The following SNED1 variants were observed in gnomAD, a reference collection of about 807,000 sequenced individuals.
SNED1 encodes sushi, nidogen and EGF like domains 1.
A neutral mutation model predicts 166.7 loss-of-function variants in SNED1; 81 were observed. The observed-to-expected ratio is 0.49, with a 90% CI of 0.41 to 0.58. The LOEUF is 0.58. Among genes scored for constraint, SNED1 ranks in the 20% least tolerant of loss-of-function variants. SNED1 has a pLI of 0.00. For synonymous variants in SNED1, 762 were observed against 822.0 expected (o/e 0.93, Z 1.25); for missense variants, 1,604 against 2,000.2 (o/e 0.80, Z 3.78).
intron 27 of SNED1, among the ~76,000 whole-genome samples, chr2:241,078,735 T>C (rs538270237): frequency 1.4e-4 from 22 of 152,020 alleles, no homozygotes; most frequent in Admixed American, 1.1e-3. Context: ...TGCCTGTATC[T>C]GTGAATATGC....
chr2:241,090,962 T>G (rs1415080286), intron 31 of SNED1, among the ~76,000 whole-genome samples: 1 of 152,156 alleles, frequency 6.6e-6, no homozygotes, highest in Non-Finnish European at 1.5e-5. Context: ...CGCGCGGTCC[T>G]TCATCGTGCA....
At position 241,092,510 on chromosome 2, in the gene SNED1, A is replaced by G. The variant is rs1489616375; in HGVS notation, c.*874A>G. 6.6e-6 allele frequency: 1 copy of G among 152,088 alleles called. No individual in the cohort carries two copies. The highest frequency in any genetic ancestry group is 2.4e-5 in the African/African-American group (1 of 41,350). 9.4% of individuals were successfully genotyped at this position (152,088 alleles called of 1,614,324 possible). A position where few individuals can be genotyped will look rare whatever the true frequency, so the allele number is the denominator to read the frequency against. ...GATCACCTAGGCTTCAGCCTTAAAC[A>G]GTGGAAGCCATCCCCTGAATGACAA... On this transcript the variant is annotated 3_prime_UTR_variant, in exon 32 of 32. Transcript: ENST00000310397. The surrounding 1 kb of genome is among the most constrained non-coding windows in gnomAD (Gnocchi z 4.6).
At position 241,040,190 on chromosome 2, in the gene SNED1, T is replaced by C. The variant is rs1254517443; in HGVS notation, c.1159+2T>C. The C allele has an allele frequency of 7.6e-6, 12 of 1,589,372 alleles. No individual in the cohort carries two copies. Among genetic ancestry groups the C allele is most frequent in the East Asian group, 2.3e-5 (1 of 43,664 alleles). ...ACACCGGAGCAGCCTGCGAGATGGG[T>C]GAGTGGCCTGGCTTCGGATTGGAGA... On this transcript the variant is annotated splice_donor_variant, in intron 7 of 31. Coordinates refer to ENST00000310397, the MANE Select transcript of SNED1 (RefSeq NM_001080437.3). LOFTEE classifies it high-confidence loss of function.
Position 241,074,482 on chromosome 2 carries a change from TCA to T in SNED1, c.3916+1119_3916+1120del, listed in dbSNP as rs2062922907. 2.6e-5 allele frequency: 4 copies of T among 152,298 alleles called. No individual in the cohort carries two copies. In the East Asian group the frequency reaches 7.7e-4, roughly 29 times the overall value. 9.4% of individuals were successfully genotyped at this position (152,298 alleles called of 1,614,324 possible). On this transcript the variant is annotated intron_variant, in intron 27 of 31. Transcript: ENST00000310397. ...ATTTCATCAGATGATTTGCATTATGTCAGCCCCTTTAAATACCAGGTGTTCAT... is the reference window on the plus strand; with the variant it reads ...ATTTCATCAGATGATTTGCATTATGTGCCCCTTTAAATACCAGGTGTTCAT...
In SNED1 at chr2:241,068,788, G is replaced by A. The variant is rs572032564; in HGVS notation, c.3195-123G>A. The A allele has an allele frequency of 5.2e-5, 35 of 671,330 alleles. 1 individual carries two copies. The South Asian group carries it at 6.3e-4, about 12-fold the overall frequency. 41.6% of individuals were successfully genotyped at this position (671,330 alleles called of 1,614,324 possible). ...TCTGCCCCTCGTGGAGGTTGCCTGG[G>A]CCACCAGCAGCAGGATGACCTCCCC... On this transcript the variant is annotated intron_variant, in intron 22 of 31. Coordinates refer to ENST00000310397, the MANE Select transcript of SNED1 (RefSeq NM_001080437.3). The surrounding 1 kb of genome is among the most constrained non-coding windows in gnomAD (Gnocchi z 5.3).
rs371957755 is a variant in SNED1, at chr2:241,047,308, C to G, written c.1274-1007C>G. Among the ~76,000 whole-genome samples the G allele has an allele frequency of 3.3e-5, 5 of 152,212 alleles. No homozygotes were observed. The South Asian group carries it at 6.2e-4, about 19-fold the overall frequency. ...TAGAGGGGTCAATTCATCCAGAAGA[C>G]ATAACTCTAGATATACTTGTACCTA... On this transcript the variant is annotated intron_variant, in intron 8 of 31. Coordinates refer to ENST00000310397, the MANE Select transcript of SNED1 (RefSeq NM_001080437.3).
Position 241,002,035 on chromosome 2 carries a change from G to A in SNED1, c.213+2985G>A, listed in dbSNP as rs114390745. ...AACATTACCATCCAGGCACAGTCCC[G>A]GCCCTACCCCTCCCAGAACACGGAG... is the stretch of plus-strand genomic sequence containing the variant. On this transcript the variant is annotated intron_variant, in intron 1 of 31. Transcript: ENST00000310397. Among the ~76,000 whole-genome samples, 451 of 152,240 alleles carry A rather than the reference G, an allele frequency of 3.0e-3. 3 individuals carry two copies. Among genetic ancestry groups the A allele is most frequent in the African/African-American group, 0.01 (432 of 41,538 alleles).
At chr2:241,071,474 C>T (rs973165642) in intron 24 of SNED1, 102 bp from the exon 25 acceptor site, 2 of 1,392,230 alleles carry the variant, frequency 1.4e-6, no homozygotes, top group African/African-American at 2.9e-5. Context: ...CTTCCCTTCT[C>T]CAAGCACGGC....
In SNED1 at chr2:240,999,364, C is replaced by CTGGT. The variant is rs1380648339; in HGVS notation, c.213+315_213+318dup. Among the ~76,000 whole-genome samples the CTGGT allele has an allele frequency of 6.6e-6, 1 of 152,114 alleles. No homozygotes were observed. Among genetic ancestry groups the CTGGT allele is most frequent in the African/African-American group, 2.4e-5 (1 of 41,454 alleles). ...TGATTCCCAGGGGAGAGCAGGGGTCCTGGTACTGCCCTGGTTTTCACACAT... is the reference window on the plus strand; with the variant it reads ...TGATTCCCAGGGGAGAGCAGGGGTCCTGGTTGGTACTGCCCTGGTTTTCACACAT... On this transcript the variant is annotated intron_variant, in intron 1 of 31. Transcript: ENST00000310397. This position sits in a 1 kb window ranked among gnomAD's most constrained non-coding sequence, Gnocchi z 5.8.
intron 20 of SNED1, 132 bp from the exon 21 acceptor site, chr2:241,065,167 A>G (rs1389799685): frequency 1.0e-6 from 1 of 980,572 alleles, no homozygotes. Flanking sequence ...GGCCAGGGAC[A>G]AAGAAGGACT....
Position 241,032,441 on chromosome 2 carries a change from G to A in SNED1, c.502-1294G>A, listed in dbSNP as rs527667258. Among the ~76,000 whole-genome samples, 35 of 148,710 alleles carry A rather than the reference G, an allele frequency of 2.4e-4. No homozygotes were observed. In the South Asian group the frequency reaches 5.1e-3, roughly 21 times the overall value. Reference sequence around the variant, plus strand: ...TCAGTTCCCACCTATGAGTGAGAACGCTTGGACACAGGAAGGGGAACATCA... The same window carrying A: ...TCAGTTCCCACCTATGAGTGAGAACACTTGGACACAGGAAGGGGAACATCA... On this transcript the variant is annotated intron_variant, in intron 2 of 31. Coordinates refer to ENST00000310397, the MANE Select transcript of SNED1 (RefSeq NM_001080437.3).
At position 241,072,388 on chromosome 2, in the gene SNED1, A is replaced by T. The variant is rs1559297519; in HGVS notation, c.3817+510A>T. The T allele has an allele frequency of 1.1e-5, 4 of 364,508 alleles. No individual in the cohort carries two copies. In the Admixed American group the frequency reaches 1.5e-4, roughly 13 times the overall value. The allele number at this position is 364,508 out of a possible 1,614,324, so 22.6% of individuals were successfully genotyped here. On this transcript the variant is annotated intron_variant, in intron 26 of 31. Transcript: ENST00000310397. ...TTTACTGGGTGAGTGCCGCTCTGGG[A>T]ATCTGCCTGTGATTCTGACACAGAA...
chr2:241,038,459 C>A (rs558722902), intron 6 of SNED1, among the ~76,000 whole-genome samples: 1 of 152,220 alleles, frequency 6.6e-6, no homozygotes, highest in Non-Finnish European at 1.5e-5. Flanking sequence ...AATGTGACTT[C>A]AAGGTCCAAA....
At position 241,064,859 on chromosome 2, in the gene SNED1, T is replaced by C. The variant is rs751521981; in HGVS notation, c.2615T>C (p.Phe872Ser). 6.3e-7 allele frequency: 1 copy of C among 1,586,512 alleles called. No individual in the cohort carries two copies. The highest frequency in any genetic ancestry group is 1.9e-5 in the Admixed American group (1 of 51,914). ...YHCETVSDPC[F>S]SSPCGGRGYC... ...CTCCCCTCAGTGAGTGACCCCTGCT[T>C]CTCCAGCCCCTGTGGGGGCCGTGGC... The change falls in exon 20 of 32, where the codon TTC becomes TCC. Residue 872 changes from phenylalanine to serine, a missense_variant. Transcript: ENST00000310397. The surrounding 1 kb of genome is among the most constrained non-coding windows in gnomAD (Gnocchi z 7.0).
intron 16 of SNED1, among the ~76,000 whole-genome samples, chr2:241,060,955 T>C (rs2062212085): frequency 1.3e-5 from 2 of 152,010 alleles, no homozygotes; most frequent in African/African-American, 4.8e-5. Context: ...AAAAAAACTA[T>C]ATAATTTTGT....
At chr2:241,002,205 G>A (rs552149114) in intron 1 of SNED1, among the ~76,000 whole-genome samples, 91 of 152,242 alleles carry the variant, frequency 6.0e-4, no homozygotes, top group Non-Finnish European at 1.1e-3. Flanking sequence ...TCACTGTCAC[G>A]GTTGTGTGGT....
intron 8 of SNED1, among the ~76,000 whole-genome samples, chr2:241,043,173 C>G (rs1324233498): frequency 1.3e-5 from 2 of 152,120 alleles, no homozygotes; most frequent in Non-Finnish European, 2.9e-5. Context: ...AAACTAAAAC[C>G]CACATTTCCA....
chr2:240,998,842 G>T lies in SNED1; in HGVS notation c.5G>T (p.Arg2Leu). The T allele has an allele frequency of 8.3e-7, 1 of 1,201,578 alleles. No individual in the cohort carries two copies. 74.4% of individuals were successfully genotyped at this position (1,201,578 alleles called of 1,614,324 possible). The change falls in exon 1 of 32, where the codon CGG becomes CTG. Residue 2 changes from arginine to leucine, a missense_variant. By Grantham distance (102) the Arg-to-Leu change is moderately radical (BLOSUM62 -2). This residue lies in a region of SNED1 where 1,237 missense variants were observed against 1,620.8 expected (regional missense o/e 0.76). Transcript: ENST00000310397. ...TCCCGCCCGCACACCTCCGCGATGC[G>T]GCACGGCGTCGCCTGGGCGCTGCTG... M[R>L]HGVAWALLVA...
In SNED1 at chr2:241,013,391, G is replaced by A. The variant is rs559111703; in HGVS notation, c.213+14341G>A. Among the ~76,000 whole-genome samples the A allele has an allele frequency of 5.9e-5, 9 of 152,068 alleles. No homozygotes were observed. Among genetic ancestry groups the A allele is most frequent in the African/African-American group, 1.7e-4 (7 of 41,464 alleles). On this transcript the variant is annotated intron_variant, in intron 1 of 31. Transcript: ENST00000310397. The surrounding 1 kb of genome is among the most constrained non-coding windows in gnomAD (Gnocchi z 4.6). Reference sequence around the variant, plus strand: ...CCTGAGCCTAGCTCACTGTAACCTCGAACTCATGGGCTCCAGTGATCCTCC... The same window carrying A: ...CCTGAGCCTAGCTCACTGTAACCTCAAACTCATGGGCTCCAGTGATCCTCC...
Sources: gnomAD v4.1 joint callset for allele counts (sites outside exome capture counted in the v4.1 genomes callset) on GRCh38, gnomAD v4.1.1 for gene constraint, gnomAD v4.1.1 regional missense constraint, Gnocchi (gnomAD v3.1) non-coding constraint, MANE v1.5 for transcripts, NCBI Gene and HGNC (gene_info 2026-07-23, HGNC 2026-07-21) for gene names.